Variants in MGAT4C observed in about 807,000 individuals in gnomAD.
The protein encoded by MGAT4C is MGAT4 family member C, also known as alpha-1,3-mannosyl-glycoprotein 4-beta-N-acetylglucosaminyltransferase C.
A neutral mutation model predicts 40.1 loss-of-function variants in MGAT4C; 19 were observed. That is an observed-to-expected ratio of 0.47 (90% CI 0.33 to 0.70). The LOEUF (loss-of-function observed/expected upper bound fraction) is 0.70. Ranked by LOEUF, MGAT4C falls within the 30% of genes least tolerant of loss-of-function variation. The pLI is 0.02. For synonymous variants in MGAT4C, 181 were observed against 187.1 expected (o/e 0.97, Z 0.27); for missense variants, 491 against 563.2 (o/e 0.87, Z 1.30).
At chr12:86,536,378 A>G (rs1959068212) in intron 2 of MGAT4C, among the ~76,000 whole-genome samples, 1 of 152,148 alleles carries the variant, frequency 6.6e-6, no homozygotes, top group Non-Finnish European at 1.5e-5. Flanking sequence ...ATGGAAGCAT[A>G]GTCATTTGCT....
chr12:86,231,105 G>C (rs947445380), intron 1 of MGAT4C, among the ~76,000 whole-genome samples: 3 of 152,082 alleles, frequency 2.0e-5, no homozygotes, highest in Admixed American at 6.5e-5. Context: ...CTGGTAATCA[G>C]ACATAATGTG....
upstream of MGAT4C, among the ~76,000 whole-genome samples, chr12:86,256,743 T>C (rs953722836): frequency 1.3e-5 from 2 of 152,214 alleles, no homozygotes; most frequent in Non-Finnish European, 2.9e-5. Flanking sequence ...AAGGACAAGA[T>C]GTATGTAATC....
intron 1 of MGAT4C, among the ~76,000 whole-genome samples, chr12:86,241,261 A>G (rs1220709378): frequency 3.3e-5 from 5 of 152,196 alleles, no homozygotes; most frequent in African/African-American, 1.2e-4. Context: ...TTATGACTAT[A>G]CATGTATCAT....
chr12:86,254,663 C>A (rs1404687904), intron 1 of MGAT4C, among the ~76,000 whole-genome samples: 1 of 151,954 alleles, frequency 6.6e-6, no homozygotes, highest in Non-Finnish European at 1.5e-5. Flanking sequence ...CTCATATTAT[C>A]CAAAACTTTT....
chr12:86,757,997 A>C (rs1018491566), intron 1 of MGAT4C, among the ~76,000 whole-genome samples: 7 of 152,174 alleles, frequency 4.6e-5, no homozygotes, highest in African/African-American at 1.7e-4. Context: ...CTGAAAAAGT[A>C]AGTCAGAAAA....
intron 1 of MGAT4C, among the ~76,000 whole-genome samples, chr12:86,752,151 G>A (rs1409464384): frequency 6.6e-6 from 1 of 151,912 alleles, no homozygotes; most frequent in East Asian, 1.9e-4. Context: ...AAGTTATTTT[G>A]TGCTCTAAAG....
intron 1 of MGAT4C, among the ~76,000 whole-genome samples, chr12:86,827,585 T>A (rs1429618523): frequency 2.6e-5 from 4 of 151,140 alleles, no homozygotes; most frequent in African/African-American, 9.7e-5. Context: ...AAGCAAACAA[T>A]GACACTTAGA....
chr12:86,281,226 T>C (rs1953211274), intron 4 of MGAT4C, among the ~76,000 whole-genome samples: 1 of 152,128 alleles, frequency 6.6e-6, no homozygotes, highest in African/African-American at 2.4e-5. Flanking sequence ...GAAATCATTT[T>C]TGTTAAAAAT....
intron 2 of MGAT4C, among the ~76,000 whole-genome samples, chr12:86,643,775 T>G (rs1201239242): frequency 2.0e-5 from 3 of 151,832 alleles, no homozygotes; most frequent in Non-Finnish European, 4.4e-5. Context: ...TAAAACTATA[T>G]GAATATGTGA....
intron 4 of MGAT4C, among the ~76,000 whole-genome samples, chr12:86,277,712 T>C (rs1427444376): frequency 6.6e-6 from 1 of 152,202 alleles, no homozygotes. Context: ...TGTAGATTCA[T>C]GGATTTCTTT....
intron 1 of MGAT4C, among the ~76,000 whole-genome samples, chr12:86,128,505 A>T (rs839178): frequency 0.89 from 134,667 of 152,138 alleles, 59,832 homozygotes; most frequent in East Asian, 1. Flanking sequence ...GATTCTGAGG[A>T]CTCCCCAGCC....
intron 2 of MGAT4C, among the ~76,000 whole-genome samples, chr12:86,026,695 G>A (rs1890275069): frequency 6.6e-6 from 1 of 151,822 alleles, no homozygotes; most frequent in Non-Finnish European, 1.5e-5. Context: ...ATATATTCTT[G>A]TGTATTGACT....
intron 1 of MGAT4C, among the ~76,000 whole-genome samples, chr12:86,162,979 T>A (rs1455812961): frequency 2.0e-5 from 3 of 152,172 alleles, no homozygotes; most frequent in Non-Finnish European, 4.4e-5. Flanking sequence ...AATTAATGCA[T>A]GTCTGTTATA....
At chr12:86,488,219 A>G (rs1172772481) in intron 2 of MGAT4C, among the ~76,000 whole-genome samples, 3 of 151,408 alleles carry the variant, frequency 2.0e-5, no homozygotes, top group Non-Finnish European at 2.9e-5. Flanking sequence ...GTTTGAGATC[A>G]GCCTGGGCAA....
At chr12:86,429,839 T>C (rs1489554385) in intron 3 of MGAT4C, among the ~76,000 whole-genome samples, 1 of 152,202 alleles carries the variant, frequency 6.6e-6, no homozygotes, top group African/African-American at 2.4e-5. Context: ...GAAAAGTTTT[T>C]AACCATTATT....
intron 1 of MGAT4C, among the ~76,000 whole-genome samples, chr12:86,127,367 G>A (rs994191631): frequency 1.1e-4 from 16 of 152,142 alleles, no homozygotes; most frequent in Non-Finnish European, 2.2e-4. Flanking sequence ...TCAGCTGTTT[G>A]GGCACTTATC....
chr12:86,679,504 C>T (rs934058706), intron 2 of MGAT4C, among the ~76,000 whole-genome samples: 1 of 151,856 alleles, frequency 6.6e-6, no homozygotes, highest in African/African-American at 2.4e-5. Flanking sequence ...CAAGATTGTT[C>T]TTTCTTTAGG....
At chr12:86,085,040 C>A (rs1278231717) in intron 1 of MGAT4C, among the ~76,000 whole-genome samples, 1 of 152,028 alleles carries the variant, frequency 6.6e-6, no homozygotes, top group African/African-American at 2.4e-5. Context: ...GTGTGTAATA[C>A]TTTTTAATAT....
intron 1 of MGAT4C, among the ~76,000 whole-genome samples, chr12:86,206,791 T>G (rs1416522062): frequency 6.6e-6 from 1 of 152,188 alleles, no homozygotes; most frequent in African/African-American, 2.4e-5. Context: ...CAGTTTCATA[T>G]CGGCATATCC....
Sources: allele counts gnomAD v4.1 joint callset (sites outside exome capture counted in the v4.1 genomes callset), GRCh38; gene constraint gnomAD v4.1.1; transcripts MANE v1.5; gene names NCBI Gene and HGNC (gene_info 2026-07-23, HGNC 2026-07-21).